The following PAN3 variants were observed in gnomAD, a reference collection of about 807,000 sequenced individuals.
PAN3 encodes PAN2-PAN3 deadenylation complex subunit PAN3.
A neutral mutation model predicts 96.2 loss-of-function variants in PAN3; 19 were observed. The observed-to-expected ratio is 0.20, with a 90% CI of 0.14 to 0.29. The LOEUF (loss-of-function observed/expected upper bound fraction) is 0.29. PAN3 is among the 10% of genes least tolerant of loss of function. PAN3 has a pLI of 1.00. For synonymous variants in PAN3, 433 were observed against 406.6 expected, an observed-to-expected ratio of 1.06 and a Z score of -0.78; for missense variants, 882 against 1,108.1, an observed-to-expected ratio of 0.80 and a Z score of 2.90.
intron 1 of PAN3, among the ~76,000 whole-genome samples, chr13:28,154,619 CA>C (rs1315296281): frequency 6.6e-6 from 1 of 151,968 alleles, no homozygotes; most frequent in Non-Finnish European, 1.5e-5. Context: ...CTCAGCCTCC[CA>C]AGTAGCTGGG....
At chr13:28,224,614 T>C (rs1432043712) in intron 6 of PAN3, among the ~76,000 whole-genome samples, 1 of 152,166 alleles carries the variant, frequency 6.6e-6, no homozygotes, top group East Asian at 1.9e-4. Context: ...AGATATGTTT[T>C]CTTGTAAATT....
At chr13:28,197,405 T>G in intron 5 of PAN3, 59 bp downstream of exon 5, 1 of 1,482,936 alleles carries the variant, frequency 6.7e-7, no homozygotes, top group East Asian at 2.5e-5. Context: ...GCTTTCTGTG[T>G]CTGTTTGGGG....
In PAN3 at chr13:28,261,428, A is replaced by G. The variant is rs149721904; in HGVS notation, c.1381A>G (p.Met461Val). ...GCTGATCAACAGACATTTAATAACA[A>G]TGGCTCAAATTGATCAAGCAGATAT... The part of the protein sequence containing the change: ...QELINRHLIT[M>V]AQIDQADMPA... The change falls in exon 9 of 19, where the codon ATG (methionine) becomes GTG (valine). Residue 461 changes from methionine to valine, a missense_variant. By Grantham distance (21) the Met-to-Val change is conservative (BLOSUM62 1). Coordinates refer to ENST00000380958, the MANE Select transcript of PAN3 (RefSeq NM_175854.8). 13 of 1,610,666 alleles carry G rather than the reference A, an allele frequency of 8.1e-6. No homozygotes were observed. The highest frequency in any genetic ancestry group is 3.3e-5 in the South Asian group (3 of 90,604).
rs76956322 is a variant in PAN3 at position 28,155,725 on chromosome 13, A to G, written c.430+16638A>G. On this transcript the variant is annotated intron_variant, in intron 1 of 18. Coordinates refer to ENST00000380958, the MANE Select transcript of PAN3 (RefSeq NM_175854.8). ...ATATATATATACACATCTCATATAT[A>G]CACACACATATACATAAAATGTATA... Among the ~76,000 whole-genome samples the G allele has an allele frequency of 1.5e-3, 229 of 152,344 alleles. 5 individuals carry two copies. In the East Asian group the frequency reaches 0.039, roughly 26 times the overall value.
chr13:28,266,644 G>A, intron 9 of PAN3, 71 bp from the exon 10 acceptor site: 1 of 1,228,064 alleles, frequency 8.1e-7, no homozygotes, highest in Non-Finnish European at 1.1e-6. Context: ...TAAATATCAT[G>A]TCTTCTGTAT....
chr13:28,214,102 AT>A (rs1357679796), intron 5 of PAN3, among the ~76,000 whole-genome samples: 2 of 152,220 alleles, frequency 1.3e-5, no homozygotes, highest in African/African-American at 4.8e-5. Context: ...AGAAAAAAAA[AT>A]AAAAAATCAC....
At chr13:28,206,488 A>G (rs1287731340) in intron 5 of PAN3, among the ~76,000 whole-genome samples, 1 of 151,428 alleles carries the variant, frequency 6.6e-6, no homozygotes, top group Admixed American at 6.6e-5. Context: ...ACACCCGGCT[A>G]ATTTTGTATA....
At chr13:28,232,685 G>A (rs1882703341) in intron 6 of PAN3, 4 of 151,858 alleles carry the variant, frequency 2.6e-5, no homozygotes, top group Admixed American at 2.6e-4. Context: ...AATTTCCATT[G>A]GCATAAACAC....
chr13:28,241,694 G>A (rs1883678377), intron 6 of PAN3, among the ~76,000 whole-genome samples: 1 of 152,194 alleles, frequency 6.6e-6, no homozygotes, highest in African/African-American at 2.4e-5. Flanking sequence ...CAGTGTCTGT[G>A]TTTTGGGCTA....
At chr13:28,221,468 C>T (rs1297484108) in intron 6 of PAN3, among the ~76,000 whole-genome samples, 1 of 151,998 alleles carries the variant, frequency 6.6e-6, no homozygotes, top group Admixed American at 6.6e-5. Flanking sequence ...GTAAGTAAAT[C>T]GTTGATTTAA....
At position 28,154,095 on chromosome 13, in the gene PAN3, A is replaced by G. The variant is rs564959110; in HGVS notation, c.430+15008A>G. 1.6e-4 allele frequency among the ~76,000 whole-genome samples: 25 copies of G among 152,324 alleles called. No homozygotes were observed. The East Asian group carries it at 4.4e-3, about 27-fold the overall frequency. ...TGAGTATTCAGATTGATGATACTAA[A>G]TAGCTTCACCCAAGAACCCAATTTA... On this transcript the variant is annotated intron_variant, in intron 1 of 18. Transcript: ENST00000380958.
At chr13:28,209,333 C>T (rs1446549949) in intron 5 of PAN3, among the ~76,000 whole-genome samples, 1 of 152,240 alleles carries the variant, frequency 6.6e-6, no homozygotes, top group Non-Finnish European at 1.5e-5. Flanking sequence ...TAGTGACCAT[C>T]TTTAGCATGT....
intron 6 of PAN3, among the ~76,000 whole-genome samples, chr13:28,251,322 C>T (rs975024211): frequency 6.6e-5 from 10 of 152,146 alleles, no homozygotes; most frequent in African/African-American, 2.4e-4. Context: ...TGTACATGCT[C>T]GTTCTTATGA....
rs530931643 is a variant in PAN3, at chr13:28,286,089, C to T, written c.2385-1895C>T. ...AGGGATTATAGAATGTTGAACCTTTCTCTGTGATAAAGCAGTGTGATGTTG... is the reference window on the plus strand; with the variant it reads ...AGGGATTATAGAATGTTGAACCTTTTTCTGTGATAAAGCAGTGTGATGTTG... On this transcript the variant is annotated intron_variant, in intron 17 of 18. Transcript: ENST00000380958. Among the ~76,000 whole-genome samples, 109 of 152,180 alleles carry T rather than the reference C, an allele frequency of 7.2e-4. 1 individual carries two copies. The highest frequency in any genetic ancestry group is 1.0e-3 in the Non-Finnish European group (69 of 68,032).
Position 28,138,937 on chromosome 13 carries a change from C to T in PAN3, c.280C>T (p.Pro94Ser), listed in dbSNP as rs774631352. Residue 94 changes from proline to serine, a missense_variant, in exon 1 of 19, where the codon CCC becomes TCC. Transcript: ENST00000380958. The stretch of plus-strand genomic sequence containing the variant: ...CGTCCCCCTGGCTCTGGCTGGTGCA[C>T]CCGTGGCCGGCTTTCCGCCGGGAGC... ...NSVPLALAGA[P>S]VAGFPPGAVA... is the part of the protein sequence containing the mutation. 7.5e-7 allele frequency: 1 copy of T among 1,338,644 alleles called. No homozygotes were observed. Among genetic ancestry groups the T allele is most frequent in the Admixed American group, 3.4e-5 (1 of 29,492 alleles). The allele number at this position is 1,338,644 out of a possible 1,614,324, so 82.9% of individuals were successfully genotyped here.
intron 13 of PAN3, among the ~76,000 whole-genome samples, chr13:28,271,159 A>G (rs1886589501): frequency 6.6e-6 from 1 of 152,236 alleles, no homozygotes; most frequent in Admixed American, 6.5e-5. Context: ...ACCATGGTTC[A>G]CAAATTCTAG....
At chr13:28,170,967 T>C (rs889917032) in intron 1 of PAN3, among the ~76,000 whole-genome samples, 6 of 152,130 alleles carry the variant, frequency 3.9e-5, no homozygotes, top group Non-Finnish European at 7.3e-5. Context: ...TGGCTAATTT[T>C]GTATTTTTAG....
intron 1 of PAN3, among the ~76,000 whole-genome samples, chr13:28,160,020 C>T (rs991991948): frequency 1.3e-5 from 2 of 151,940 alleles, no homozygotes; most frequent in African/African-American, 4.8e-5. Flanking sequence ...TCACTGCAAC[C>T]TCTGCCTCCT....
At chr13:28,240,249 A>C (rs1048551978) in intron 6 of PAN3, among the ~76,000 whole-genome samples, 4 of 152,096 alleles carry the variant, frequency 2.6e-5, no homozygotes, top group Admixed American at 6.6e-5. Flanking sequence ...TATAATGTTT[A>C]ATTATATGGA....
Sources: allele counts gnomAD v4.1 joint callset (sites outside exome capture counted in the v4.1 genomes callset), GRCh38; gene constraint gnomAD v4.1.1; transcripts MANE v1.5; gene names NCBI Gene and HGNC (gene_info 2026-07-23, HGNC 2026-07-21).